Variants in ZNF528 observed in about 807,000 individuals in gnomAD.
ZNF528 encodes zinc finger protein 528.
A neutral mutation model predicts 13.3 loss-of-function variants in ZNF528; 9 were observed. The observed-to-expected ratio is 0.67, with a 90% confidence interval of 0.41 to 1.18. ZNF528 has a LOEUF of 1.18. Ranked by LOEUF, ZNF528 falls within the 50% of genes most tolerant of loss-of-function variation. ZNF528 has a pLI of 0.01. For missense variants in ZNF528, 858 were observed against 745.4 expected (o/e 1.15, Z -1.76); for synonymous variants, 264 against 254.3 (o/e 1.04, Z -0.36).
intron 6 of ZNF528, chr19:52,412,961 A>T (rs1421284219): frequency 6.6e-6 from 1 of 152,222 alleles, no homozygotes; most frequent in African/African-American, 2.4e-5. Flanking sequence ...TACAGGTGCC[A>T]GTGCACATTT....
Position 52,417,303 on chromosome 19 carries a change from G to T in ZNF528, c.*564G>T. 1 of 245,820 alleles carries T rather than the reference G, an allele frequency of 4.1e-6. No homozygotes were observed. The highest frequency in any genetic ancestry group is 8.0e-6 in the Non-Finnish European group (1 of 125,786). The allele number at this position is 245,820 out of a possible 1,614,324, so 15.2% of individuals were successfully genotyped here. ...TATTTCTATCCAATTTCCTGATGAAGGACATTGCCTTTTGAGATTAAATAT... is the reference window on the plus strand; with the variant it reads ...TATTTCTATCCAATTTCCTGATGAATGACATTGCCTTTTGAGATTAAATAT... On this transcript the variant is annotated 3_prime_UTR_variant, in exon 7 of 7. Coordinates refer to ENST00000360465, the MANE Select transcript of ZNF528 (RefSeq NM_032423.3).
chr19:52,406,397 A>G, intron 5 of ZNF528, 118 bp from the exon 6 acceptor site: 1 of 1,414,902 alleles, frequency 7.1e-7, no homozygotes, highest in South Asian at 1.6e-5. Context: ...GGCAGTCAGT[A>G]GATGAATTTG....
chr19:52,406,440 C>T (rs935450541), intron 5 of ZNF528, 75 bp from the exon 6 acceptor site: 6 of 1,545,494 alleles, frequency 3.9e-6, no homozygotes, highest in Non-Finnish European at 5.2e-6. Context: ...TTATAATATC[C>T]TCTCTCCTCC....
At chr19:52,405,627 A>C in intron 4 of ZNF528, among the ~76,000 whole-genome samples, 1 of 151,966 alleles carries the variant, frequency 6.6e-6, no homozygotes, top group Non-Finnish European at 1.5e-5. Flanking sequence ...GTGTGTAAAA[A>C]TACCTAACAC....
At chr19:52,400,518 T>G (rs2122504578) in intron 2 of ZNF528, among the ~76,000 whole-genome samples, 1 of 152,140 alleles carries the variant, frequency 6.6e-6, no homozygotes, top group South Asian at 2.1e-4. Context: ...ATCTAGTTAT[T>G]TATTTATTCA....
chr19:52,414,046 A>G lies in ZNF528; in HGVS notation c.272-1078A>G, dbSNP rs563392193. Reference sequence around the variant, plus strand: ...GCACGTAGTGTTTTTTTCAACAGACAAGTTCTGCCCCACGTTACCCTGATT... The same window carrying G: ...GCACGTAGTGTTTTTTTCAACAGACGAGTTCTGCCCCACGTTACCCTGATT... On this transcript the variant is annotated intron_variant, in intron 6 of 6. Coordinates refer to ENST00000360465, the MANE Select transcript of ZNF528 (RefSeq NM_032423.3). 7 of 588,042 alleles carry G rather than the reference A, an allele frequency of 1.2e-5. No homozygotes were observed. In the East Asian group the frequency reaches 1.4e-4, roughly 12 times the overall value. The allele number at this position is 588,042 out of a possible 1,614,324, so 36.4% of individuals were successfully genotyped here.
At chr19:52,402,767 A>G (rs577600511) in intron 4 of ZNF528, among the ~76,000 whole-genome samples, 2 of 152,346 alleles carry the variant, frequency 1.3e-5, no homozygotes, top group South Asian at 2.1e-4. Context: ...ATGTTAAATT[A>G]GTACATTAAT....
intron 4 of ZNF528, 133 bp downstream of exon 4, chr19:52,402,161 G>T (rs1360867837): frequency 6.2e-6 from 8 of 1,292,360 alleles, no homozygotes; most frequent in East Asian, 4.9e-5. Flanking sequence ...GCTTCTTCCA[G>T]TCCCTTCATT....
intron 6 of ZNF528, chr19:52,414,409 G>T: frequency 3.0e-6 from 2 of 675,606 alleles, no homozygotes; most frequent in South Asian, 3.1e-5. Context: ...TCCTTCTAGT[G>T]AACAAGGGCC....
chr19:52,417,237 GAATC>G lies in ZNF528; in HGVS notation c.*500_*503del. The G allele has an allele frequency of 6.8e-6, 2 of 295,546 alleles. No homozygotes were observed. The highest frequency in any genetic ancestry group is 8.3e-4 in the Middle Eastern group (2 of 2,410). 18.3% of individuals were successfully genotyped at this position (295,546 alleles called of 1,614,324 possible). On this transcript the variant is annotated 3_prime_UTR_variant, in exon 7 of 7. Coordinates refer to ENST00000360465, the MANE Select transcript of ZNF528 (RefSeq NM_032423.3). The stretch of plus-strand genomic sequence containing the variant: ...GCCATTCACTGTGGTCCCTGGGAAA[GAATC>G]AGTAGGATGACAGGGCTGACTTCAT...
At chr19:52,402,163 C>G in intron 4 of ZNF528, 135 bp downstream of exon 4, 1 of 1,245,076 alleles carries the variant, frequency 8.0e-7, no homozygotes, top group Non-Finnish European at 1.1e-6. Context: ...TTCTTCCAGT[C>G]CCTTCATTTC....
chr19:52,406,817 A>C (rs1458095247), intron 6 of ZNF528, 174 bp downstream of exon 6: 1 of 798,988 alleles, frequency 1.3e-6, no homozygotes, highest in Non-Finnish European at 1.8e-6. Flanking sequence ...GATTACAGCC[A>C]TGAGCCACTG....
In ZNF528 at chr19:52,398,724, C is replaced by T. The variant is rs547913863; in HGVS notation, c.-137+105C>T. On this transcript the variant is annotated intron_variant, in intron 2 of 6. Transcript: ENST00000360465. Reference sequence around the variant, plus strand: ...AGACAAACCTGGGTCTGTAGAAAGACGAAATTCAACAAGATAGGGAAGGCT... The same window carrying T: ...AGACAAACCTGGGTCTGTAGAAAGATGAAATTCAACAAGATAGGGAAGGCT... 4.5e-4 allele frequency: 245 copies of T among 550,014 alleles called. 1 individual carries two copies. The highest frequency in any genetic ancestry group is 3.6e-3 in the Middle Eastern group (4 of 1,104). 34.1% of individuals were successfully genotyped at this position (550,014 alleles called of 1,614,324 possible).
chr19:52,406,668 G>T, intron 6 of ZNF528, 25 bp downstream of exon 6: 2 of 1,589,470 alleles, frequency 1.3e-6, no homozygotes, highest in Non-Finnish European at 1.7e-6. Context: ...GGGCAGAGTG[G>T]AGGCCCCATA....
chr19:52,399,841 G>C (rs982155629), intron 2 of ZNF528, among the ~76,000 whole-genome samples: 3 of 152,170 alleles, frequency 2.0e-5, no homozygotes, highest in African/African-American at 7.2e-5. Context: ...TTCTTCGTCA[G>C]ACAGCACCTG....
intron 6 of ZNF528, chr19:52,414,230 T>A (rs768456403): frequency 8.3e-5 from 58 of 702,466 alleles, no homozygotes; most frequent in Non-Finnish European, 1.4e-4. Context: ...GAACCTTCTT[T>A]GTTCACGTCC....
chr19:52,416,444 A>T lies in ZNF528; in HGVS notation c.1592A>T (p.Asn531Ile). ...TGTAATCAATGTGGCAAGGTCTTTA[A>T]TCAAGCATCATACCTTACAAGACAT... The part of the protein sequence containing the change: ...YKCNQCGKVF[N>I]QASYLTRHQI... The change falls in exon 7 of 7, where the codon AAT becomes ATT. Residue 531 changes from asparagine (N) to isoleucine (I), a missense_variant. By Grantham distance (149) the Asn-to-Ile change is moderately radical (BLOSUM62 -3). Transcript: ENST00000360465. 1 of 1,614,148 alleles carries T rather than the reference A, an allele frequency of 6.2e-7. No homozygotes were observed. The highest frequency in any genetic ancestry group is 8.5e-7 in the Non-Finnish European group (1 of 1,180,026).
intron 4 of ZNF528, among the ~76,000 whole-genome samples, chr19:52,405,231 A>C (rs1486821598): frequency 1.3e-5 from 2 of 151,690 alleles, no homozygotes; most frequent in Non-Finnish European, 2.9e-5. Flanking sequence ...AAAAAAAAAA[A>C]AACCCAAAAC....
Position 52,415,194 on chromosome 19 carries a change from G to A in ZNF528, c.342G>A (p.Gln114=), listed in dbSNP as rs1568430576. ...AAAATCAACTTGGATTCACTTTTCA[G>A]TTACATCTGAGTGATCTACAGCTAT... ...PCKNQLGFTF[Q]LHLSDLQLFQ... Residue 114 remains glutamine (Q), a synonymous_variant, in exon 7 of 7, where the codon CAG becomes CAA. Transcript: ENST00000360465. 6.2e-7 allele frequency: 1 copy of A among 1,612,920 alleles called. No homozygotes were observed. The highest frequency in any genetic ancestry group is 8.5e-7 in the Non-Finnish European group (1 of 1,179,558).
Sources: gnomAD v4.1 joint callset for allele counts (sites outside exome capture counted in the v4.1 genomes callset) on GRCh38, gnomAD v4.1.1 for gene constraint, MANE v1.5 for transcripts, NCBI Gene and HGNC (gene_info 2026-07-23, HGNC 2026-07-21) for gene names.